Variants in PLCD4 observed in about 807,000 individuals in gnomAD.
The protein encoded by PLCD4 is 1-phosphatidylinositol 4,5-bisphosphate phosphodiesterase delta-4.
Under a neutral mutation model 90.2 loss-of-function variants are expected in PLCD4, and 63 were observed. The ratio of observed to expected loss-of-function variants is 0.70; its 90% CI spans 0.57 to 0.86. PLCD4 has a LOEUF of 0.86. Among genes scored for constraint, PLCD4 ranks in the 40% least tolerant of loss-of-function variants. PLCD4 has a pLI of 0.00. For synonymous variants in PLCD4, 294 were observed against 356.5 expected (o/e 0.82, Z 1.97); for missense variants, 830 against 956.3 (o/e 0.87, Z 1.74).
At chr2:218,633,470 T>C (rs1391207933) in intron 10 of PLCD4, 135 bp from the exon 11 acceptor site, 5 of 1,056,928 alleles carry the variant, frequency 4.7e-6, no homozygotes, top group Non-Finnish European at 7.2e-6. Flanking sequence ...GTCCCTTCTC[T>C]TGTCCCGGCA....
chr2:218,625,842 G>A (rs1696093010), intron 6 of PLCD4, among the ~76,000 whole-genome samples: 1 of 152,158 alleles, frequency 6.6e-6, no homozygotes, highest in African/African-American at 2.4e-5. Context: ...CCTGAGGCAG[G>A]AGAATCGATT....
intron 1 of PLCD4, among the ~76,000 whole-genome samples, chr2:218,612,221 T>A (rs1261124653): frequency 6.6e-6 from 1 of 152,174 alleles, no homozygotes; most frequent in South Asian, 2.1e-4. Flanking sequence ...TCTGTTACTT[T>A]CTACTTCAGT....
Position 218,616,067 on chromosome 2 carries a change from G to A in PLCD4, c.181+5G>A, listed in dbSNP as rs762387956. 1.1e-5 allele frequency: 18 copies of A among 1,612,928 alleles called. No homozygotes were observed. The African/African-American group carries it at 2.1e-4, about 19-fold the overall frequency. On this transcript the variant is annotated splice_donor_5th_base_variant and intron_variant, in intron 3 of 15. Coordinates refer to ENST00000450993, the MANE Select transcript of PLCD4 (RefSeq NM_032726.4). ...GGGGCAGTGCCAAGCCCAGCTGTGAGTGACCTGGATAGTGGGGGGTGGATA... is the reference window on the plus strand; with the variant it reads ...GGGGCAGTGCCAAGCCCAGCTGTGAATGACCTGGATAGTGGGGGGTGGATA...
chr2:218,631,567 C>T (rs1319806543), intron 9 of PLCD4, among the ~76,000 whole-genome samples: 1 of 152,130 alleles, frequency 6.6e-6, no homozygotes, highest in Admixed American at 6.5e-5. Context: ...GAGGCTGAGG[C>T]AGGTGGATCA....
chr2:218,617,612 AG>A (rs1474196826), intron 3 of PLCD4, among the ~76,000 whole-genome samples: 1 of 151,918 alleles, frequency 6.6e-6, no homozygotes, highest in Admixed American at 6.6e-5. Flanking sequence ...AAATCATAAC[AG>A]TGTGCACTTA....
chr2:218,620,552 TAATA>T (rs59165291), intron 4 of PLCD4, among the ~76,000 whole-genome samples: 6,136 of 150,944 alleles, frequency 0.041, 159 homozygotes, highest in East Asian at 0.12. Flanking sequence ...TATTTATTTA[TAATA>T]AATAAATAAA....
Position 218,636,604 on chromosome 2 carries a change from TG to T in PLCD4, c.*28del. 6.2e-7 allele frequency: 1 copy of T among 1,604,636 alleles called. No individual in the cohort carries two copies. The highest frequency in any genetic ancestry group is 8.5e-7 in the Non-Finnish European group (1 of 1,172,160). On this transcript the variant is annotated 3_prime_UTR_variant, in exon 16 of 16. Coordinates refer to ENST00000450993, the MANE Select transcript of PLCD4 (RefSeq NM_032726.4). Reference sequence around the variant, plus strand: ...GTGGGCATTTCACGGGAAGGGTTGGTGTGCTGGCTTTAGACGGGGAGAAACA... The same window carrying T: ...GTGGGCATTTCACGGGAAGGGTTGGTTGCTGGCTTTAGACGGGGAGAAACA...
In PLCD4 at chr2:218,630,682, G is replaced by A; in HGVS notation, c.1152G>A (p.Glu384=). ...ACTACCCAGTCATCTTGTCCCTGGA[G>A]ACCCACTGCAGCTGGGAGCAGCAGC... The part of the protein sequence containing the change: ...TSDYPVILSL[E]THCSWEQQQT... The change falls in exon 9 of 16, where the codon GAG becomes GAA. Residue 384 remains glutamate, a synonymous_variant. Transcript: ENST00000450993. 6.2e-7 allele frequency: 1 copy of A among 1,614,002 alleles called. No homozygotes were observed. Among genetic ancestry groups the A allele is most frequent in the Non-Finnish European group, 8.5e-7 (1 of 1,179,890 alleles).
At chr2:218,627,088 C>T in intron 6 of PLCD4, among the ~76,000 whole-genome samples, 1 of 150,852 alleles carries the variant, frequency 6.6e-6, no homozygotes, top group East Asian at 2.0e-4. Context: ...CCTGTCTCTA[C>T]TAAAAATACA....
chr2:218,630,885 T>C, intron 9 of PLCD4, 83 bp downstream of exon 9: 1 of 1,405,706 alleles, frequency 7.1e-7, no homozygotes, highest in South Asian at 1.5e-5. Context: ...TGCCCCTCTT[T>C]GTTCCCTTCT....
At chr2:218,618,867 G>C (rs1695749997) in intron 4 of PLCD4, 60 bp downstream of exon 4, 2 of 1,488,682 alleles carry the variant, frequency 1.3e-6, no homozygotes, top group Middle Eastern at 1.7e-4. Flanking sequence ...GAAGGAGCCA[G>C]ATGCAACAGG....
chr2:218,620,671 G>A (rs1298237973), intron 4 of PLCD4, among the ~76,000 whole-genome samples: 1 of 151,396 alleles, frequency 6.6e-6, no homozygotes, highest in African/African-American at 2.4e-5. Flanking sequence ...AGCCATGATT[G>A]CACCACTTCA....
chr2:218,635,149 T>TC (rs1052220286), intron 13 of PLCD4, among the ~76,000 whole-genome samples: 1 of 151,950 alleles, frequency 6.6e-6, no homozygotes, highest in African/African-American at 2.4e-5. Context: ...CTATAGATAG[T>TC]CCTGGCTACT....
chr2:218,621,196 G>A (rs1047596609), intron 4 of PLCD4, among the ~76,000 whole-genome samples: 3 of 152,202 alleles, frequency 2.0e-5, no homozygotes, highest in African/African-American at 7.2e-5. Context: ...GCCTTCCAAA[G>A]TGTTGGGTTA....
At position 218,621,529 on chromosome 2, in the gene PLCD4, A is replaced by G. The variant is rs374046683; in HGVS notation, c.470A>G (p.Gln157Arg). 9.9e-5 allele frequency: 159 copies of G among 1,613,902 alleles called. 1 individual carries two copies. The highest frequency in any genetic ancestry group is 1.8e-4 in the Admixed American group (11 of 60,004). The part of the protein sequence containing the change: ...DKNQDGKMSF[Q>R]EVQRLLHLMN... The stretch of plus-strand genomic sequence containing the variant: ...AATCAGGATGGTAAGATGAGTTTCC[A>G]AGAAGTTCAGCGGTTATTGCACCTA... The change falls in exon 5 of 16, where the codon CAA becomes CGA. Residue 157 changes from glutamine (Q) to arginine (R), a missense_variant. Physicochemically the swap from Gln to Arg is conservative, Grantham distance 43. Transcript: ENST00000450993.
At chr2:218,631,186 CAG>C (rs1696343499) in intron 9 of PLCD4, among the ~76,000 whole-genome samples, 3 of 151,958 alleles carry the variant, frequency 2.0e-5, no homozygotes, top group Admixed American at 6.5e-5. Context: ...TTTTTTGAGA[CAG>C]AGTTTCGCTC....
Position 218,633,620 on chromosome 2 carries a change from T to G in PLCD4, c.1465T>G (p.Leu489Val). ...CCTTCTCCAGAAATCCAAGCCCATCTTGTGTCCAGCCCTCTCTTCCCTGGT... is the reference window on the plus strand; with the variant it reads ...CCTTCTCCAGAAATCCAAGCCCATCGTGTGTCCAGCCCTCTCTTCCCTGGT... ...KDKKKKSKPI[L>V]CPALSSLVIY... Residue 489 changes from leucine (L) to valine (V), a missense_variant, in exon 11 of 16, where the codon TTG becomes GTG. Transcript: ENST00000450993. 1 of 1,613,702 alleles carries G rather than the reference T, an allele frequency of 6.2e-7. No homozygotes were observed. The highest frequency in any genetic ancestry group is 1.7e-5 in the Admixed American group (1 of 60,022).
Position 218,634,782 on chromosome 2 carries a change from CACA to C in PLCD4, c.1896+155_1896+157del, listed in dbSNP as rs1696615385. ...TGGAGCCAGCTGCCTAGCTTCAAACCACAACTTCCTAATTGGGTAATGTTGGGC... is the reference window on the plus strand; with the variant it reads ...TGGAGCCAGCTGCCTAGCTTCAAACCACTTCCTAATTGGGTAATGTTGGGC... On this transcript the variant is annotated intron_variant, in intron 13 of 15. Transcript: ENST00000450993. This position sits in a 1 kb window ranked among gnomAD's most constrained non-coding sequence, Gnocchi z 4.0. Among the ~76,000 whole-genome samples, 4 of 152,174 alleles carry C rather than the reference CACA, an allele frequency of 2.6e-5. No homozygotes were observed. Among genetic ancestry groups the C allele is most frequent in the Admixed American group, 2.6e-4 (4 of 15,278 alleles).
At chr2:218,613,499 C>T (rs1695440851) in intron 1 of PLCD4, among the ~76,000 whole-genome samples, 1 of 151,126 alleles carries the variant, frequency 6.6e-6, no homozygotes, top group Non-Finnish European at 1.5e-5. Context: ...TCTTTGCTTA[C>T]ACAAAAGCAT....
Sources: gnomAD v4.1 joint callset for allele counts (sites outside exome capture counted in the v4.1 genomes callset) on GRCh38, gnomAD v4.1.1 for gene constraint, Gnocchi (gnomAD v3.1) non-coding constraint, MANE v1.5 for transcripts, NCBI Gene and HGNC (gene_info 2026-07-23, HGNC 2026-07-21) for gene names.